CSMD3: variants seen among roughly 807,000 people sequenced by gnomAD.
The protein encoded by CSMD3 is CUB and Sushi multiple domains 3, also known as CUB and sushi domain-containing protein 3.
Under a neutral mutation model 435.2 loss-of-function variants are expected in CSMD3, and 177 were observed. That is an observed-to-expected ratio of 0.41 (90% confidence interval 0.36 to 0.46). The LOEUF (loss-of-function observed/expected upper bound fraction) is 0.46, where lower values mean the gene tolerates loss of function less well. CSMD3 is among the 20% of genes least tolerant of loss of function. The pLI is 0.34. For synonymous variants in CSMD3, 1,656 were observed against 1,520.5 expected, an observed-to-expected ratio of 1.09 and a Z score of -2.07; for missense variants, 4,265 against 4,504.6, an observed-to-expected ratio of 0.95 and a Z score of 1.52.
At chr8:112,752,620 A>G (rs1283853584) in intron 13 of CSMD3, among the ~76,000 whole-genome samples, 1 of 152,228 alleles carries the variant, frequency 6.6e-6, no homozygotes, top group Non-Finnish European at 1.5e-5. Flanking sequence ...GATGTCTTAA[A>G]TATTCATTCT....
intron 10 of CSMD3, among the ~76,000 whole-genome samples, chr8:112,913,313 G>A (rs551448982): frequency 6.6e-6 from 1 of 151,808 alleles, no homozygotes; most frequent in African/African-American, 2.4e-5. Context: ...TCCCTCACAT[G>A]CACAGTTCAC....
At chr8:112,602,695 G>T (rs1371832733) in intron 22 of CSMD3, among the ~76,000 whole-genome samples, 1 of 151,456 alleles carries the variant, frequency 6.6e-6, no homozygotes, top group Non-Finnish European at 1.5e-5. Context: ...TATATATTTA[G>T]TATGTTATAT....
chr8:112,896,668 T>C (rs1296057476), intron 10 of CSMD3, among the ~76,000 whole-genome samples: 2 of 151,480 alleles, frequency 1.3e-5, no homozygotes, highest in Admixed American at 1.3e-4. Flanking sequence ...GTCTGGACAA[T>C]GTTTGGTTTC....
At chr8:113,290,811 A>C (rs1435497144) in intron 2 of CSMD3, among the ~76,000 whole-genome samples, 4 of 151,714 alleles carry the variant, frequency 2.6e-5, no homozygotes, top group Middle Eastern at 6.8e-3. Context: ...CCATTCAGTC[A>C]ATTATTATAC....
chr8:112,491,228 A>T (rs2130845136), intron 31 of CSMD3, among the ~76,000 whole-genome samples: 1 of 152,334 alleles, frequency 6.6e-6, no homozygotes, highest in South Asian at 2.1e-4. Context: ...ACTGAAATTA[A>T]TAGTAAAAAA....
chr8:112,778,127 T>C (rs944834255), intron 13 of CSMD3, among the ~76,000 whole-genome samples: 6 of 151,872 alleles, frequency 4.0e-5, no homozygotes, highest in Non-Finnish European at 1.5e-5. Flanking sequence ...ATATACTCCC[T>C]GCCCTCCTTC....
intron 32 of CSMD3, among the ~76,000 whole-genome samples, chr8:112,445,264 C>A (rs1407969001): frequency 1.3e-5 from 2 of 151,956 alleles, no homozygotes; most frequent in Non-Finnish European, 2.9e-5. Context: ...AAAAACAAAA[C>A]CTGGACATTG....
intron 53 of CSMD3, among the ~76,000 whole-genome samples, chr8:112,300,175 CATTT>C (rs1159822311): frequency 7.0e-6 from 1 of 143,736 alleles, no homozygotes; most frequent in Non-Finnish European, 1.5e-5. Flanking sequence ...AATTATATAT[CATTT>C]AAATATAGTA....
At chr8:112,976,959 A>G (rs940072443) in intron 6 of CSMD3, among the ~76,000 whole-genome samples, 7 of 151,966 alleles carry the variant, frequency 4.6e-5, no homozygotes, top group Admixed American at 4.6e-4. Context: ...CAGAGTGTGT[A>G]TATGTGCGCA....
intron 1 of CSMD3, among the ~76,000 whole-genome samples, chr8:113,378,723 T>C (rs539411619): frequency 2.0e-5 from 3 of 151,812 alleles, no homozygotes; most frequent in African/African-American, 7.3e-5. Flanking sequence ...CCATGGGAAA[T>C]TTGGCAATGG....
At chr8:113,412,962 C>A (rs542206619) in intron 1 of CSMD3, among the ~76,000 whole-genome samples, 2 of 152,140 alleles carry the variant, frequency 1.3e-5, no homozygotes, top group African/African-American at 4.8e-5. Flanking sequence ...AGTGAAGAAA[C>A]AGCAGTTCCT....
rs528751867 is a variant in CSMD3, at chr8:112,726,853, T to G, written c.1973-36803A>C. ...TGTATTAGATTTAATGCTTGATCAA[T>G]AACACTAAGCAACAAAATGATATTA... On this transcript the variant is annotated intron_variant, in intron 13 of 70. Transcript: ENST00000297405. Among the ~76,000 whole-genome samples, 59 of 151,892 alleles carry G rather than the reference T, an allele frequency of 3.9e-4. 1 individual carries two copies. The South Asian group carries it at 3.9e-3, about 10-fold the overall frequency.
At chr8:113,365,212 G>GA in intron 1 of CSMD3, among the ~76,000 whole-genome samples, 1 of 151,834 alleles carries the variant, frequency 6.6e-6, no homozygotes, top group East Asian at 1.9e-4. Flanking sequence ...TAACATGGAA[G>GA]AAAAAAATCA....
At position 113,436,835 on chromosome 8, in the gene CSMD3, C is replaced by T. The variant is rs1229640708; in HGVS notation, c.20G>A (p.Gly7Glu). The change falls in exon 1 of 71, where the codon GGG (glycine) becomes GAG (glutamate). Residue 7 changes from glycine (G) to glutamate (E), a missense_variant. This residue lies in a region of CSMD3 where 731 missense variants were observed against 755.4 expected (regional missense o/e 0.97). Transcript: ENST00000297405. MKGIRK[G>E]ESRAKESKPW... Reference sequence around the variant, plus strand: ...TTTGGATTCCTTTGCTCGGCTTTCCCCTTTGCGGATCCCTTTCATATTATT... The same window carrying T: ...TTTGGATTCCTTTGCTCGGCTTTCCTCTTTGCGGATCCCTTTCATATTATT... 21 of 1,614,022 alleles carry T rather than the reference C, an allele frequency of 1.3e-5. No individual in the cohort carries two copies. Among genetic ancestry groups the T allele is most frequent in the Admixed American group, 1.7e-5 (1 of 59,984 alleles).
intron 23 of CSMD3, among the ~76,000 whole-genome samples, chr8:112,579,822 A>T (rs1333520187): frequency 6.6e-6 from 1 of 152,016 alleles, no homozygotes; most frequent in Non-Finnish European, 1.5e-5. Flanking sequence ...ATTTTTCATA[A>T]ATGTGACATC....
chr8:112,972,289 A>C (rs765656533), intron 7 of CSMD3, among the ~76,000 whole-genome samples: 11 of 151,986 alleles, frequency 7.2e-5, no homozygotes, highest in Non-Finnish European at 8.8e-5. Flanking sequence ...AAATAGCATG[A>C]ACTTGCAGAC....
chr8:113,145,700 T>A (rs1452558778), intron 4 of CSMD3, among the ~76,000 whole-genome samples: 1 of 151,660 alleles, frequency 6.6e-6, no homozygotes, highest in Non-Finnish European at 1.5e-5. Flanking sequence ...ACCTGGTTTA[T>A]TAATTTCTGC....
At chr8:112,783,704 C>A (rs1449700361) in intron 13 of CSMD3, among the ~76,000 whole-genome samples, 1 of 151,754 alleles carries the variant, frequency 6.6e-6, no homozygotes. Context: ...AAACACACTT[C>A]ACTTACAAAG....
chr8:112,619,991 C>T (rs1833945389), intron 22 of CSMD3, among the ~76,000 whole-genome samples: 1 of 151,984 alleles, frequency 6.6e-6, no homozygotes. Context: ...AGGCTTTAGA[C>T]TTAACTTGCT....
Sources: gnomAD v4.1 joint callset for allele counts (sites outside exome capture counted in the v4.1 genomes callset) on GRCh38, gnomAD v4.1.1 for gene constraint, gnomAD v4.1.1 regional missense constraint, MANE v1.5 for transcripts, NCBI Gene and HGNC (gene_info 2026-07-23, HGNC 2026-07-21) for gene names.